The following MYO1C variants were observed in gnomAD, a reference collection of about 807,000 sequenced individuals.
MYO1C encodes the protein unconventional myosin-Ic.
A neutral mutation model predicts 150.8 loss-of-function variants in MYO1C; 104 were observed. The observed-to-expected ratio is 0.69, with a 90% CI of 0.59 to 0.81. MYO1C has a LOEUF of 0.81. Ranked by LOEUF, MYO1C falls within the 30% of genes least tolerant of loss-of-function variation. The pLI is 0.00. For missense variants in MYO1C, 1,504 were observed against 1,435.0 expected, an observed-to-expected ratio of 1.05 and a Z score of -0.78; for synonymous variants, 663 against 579.9, an observed-to-expected ratio of 1.14 and a Z score of -2.06.
chr17:1,474,514 G>C, intron 17 of MYO1C, 96 bp downstream of exon 17: 1 of 1,259,718 alleles, frequency 7.9e-7, no homozygotes, highest in Non-Finnish European at 1.1e-6. Context: ...GGGCTCACAC[G>C]CGTTCACACG....
In MYO1C at chr17:1,484,259, G is replaced by A. The variant is rs747884431; in HGVS notation, c.120C>T (p.Leu40=). ...GCACCCCCACCCGGTCACGGGCGGT[G>A]AGCGCACTCTCCATGGTCACCCGAA... is the stretch of plus-strand genomic sequence containing the variant. The part of the protein sequence containing the change: ...DGVRVTMESA[L]TARDRVGVQD... The change falls in exon 2 of 32, where the codon CTC becomes CTT. Residue 40 remains leucine (L), a synonymous_variant. Transcript: ENST00000648651. The A allele has an allele frequency of 6.2e-6, 10 of 1,612,258 alleles. No individual in the cohort carries two copies. Among genetic ancestry groups the A allele is most frequent in the Non-Finnish European group, 8.5e-6 (10 of 1,180,014 alleles).
chr17:1,479,642 C>G lies in MYO1C; in HGVS notation c.970G>C (p.Glu324Gln), dbSNP rs758308007. The G allele has an allele frequency of 6.2e-7, 1 of 1,610,836 alleles. No individual in the cohort carries two copies. Among genetic ancestry groups the G allele is most frequent in the African/African-American group, 1.4e-5 (1 of 73,866 alleles). The change falls in exon 8 of 32, where the codon GAG (glutamate) becomes CAG (glutamine). Residue 324 changes from glutamate to glutamine, a missense_variant. Transcript: ENST00000648651. This position sits in a 1 kb window ranked among gnomAD's most constrained non-coding sequence, Gnocchi z 4.2. ...LGNIHFAANEESNAQVTTENQ... is the reference protein window; with the variant it reads ...LGNIHFAANEQSNAQVTTENQ... ...TCGGTGGTGACCTGGGCATTGCTCT[C>G]CTCGTTGGCAGCAAAGTGGATGTTG...
rs1006377855 is a variant in MYO1C at position 1,478,231 on chromosome 17, G to C, written c.1296-39C>G. 1 of 1,593,660 alleles carries C rather than the reference G, an allele frequency of 6.3e-7. No homozygotes were observed. The highest frequency in any genetic ancestry group is 1.3e-5 in the African/African-American group (1 of 74,516). On this transcript the variant is annotated intron_variant, in intron 11 of 31. Coordinates refer to ENST00000648651, the MANE Select transcript of MYO1C (RefSeq NM_001080779.2). This position sits in a 1 kb window ranked among gnomAD's most constrained non-coding sequence, Gnocchi z 6.3. Reference sequence around the variant, plus strand: ...GAAGAGCCCACAGTGGCTCAGTGGGGACACAGGACCAGGAGAGGGGAAAAG... The same window carrying C: ...GAAGAGCCCACAGTGGCTCAGTGGGCACACAGGACCAGGAGAGGGGAAAAG...
In MYO1C at chr17:1,482,464, C is replaced by T. The variant is rs370795129; in HGVS notation, c.627+14G>A. ...ACTGAATGGGAATCCTCACGACACA[C>T]ACATCCATGGTACCTTGAAGTCAAA... is the stretch of plus-strand genomic sequence containing the variant. On this transcript the variant is annotated intron_variant, in intron 5 of 31. Coordinates refer to ENST00000648651, the MANE Select transcript of MYO1C (RefSeq NM_001080779.2). The T allele has an allele frequency of 1.2e-6, 2 of 1,612,094 alleles. No homozygotes were observed. Among genetic ancestry groups the T allele is most frequent in the East Asian group, 2.2e-5 (1 of 44,858 alleles).
intron 3 of MYO1C, 138 bp downstream of exon 3, chr17:1,483,472 T>TG (rs1487998248): frequency 1.5e-6 from 1 of 675,480 alleles, no homozygotes; most frequent in South Asian, 1.7e-5. Flanking sequence ...CTCTGGTCAC[T>TG]GGGGGGCAAG....
At chr17:1,480,943 GC>G in intron 5 of MYO1C, 58 bp from the exon 6 acceptor site, 1 of 1,579,004 alleles carries the variant, frequency 6.3e-7, no homozygotes, top group Non-Finnish European at 8.7e-7. Context: ...GAGCCCACCT[GC>G]CCCTCTTCTC....
intron 1 of MYO1C, among the ~76,000 whole-genome samples, chr17:1,487,476 A>C: frequency 6.7e-6 from 1 of 150,054 alleles, no homozygotes. Context: ...CACTGCAACA[A>C]CCCGGCCGGA....
chr17:1,469,227 G>T, intron 25 of MYO1C: 1 of 430,372 alleles, frequency 2.3e-6, no homozygotes, highest in Non-Finnish European at 4.4e-6. Context: ...AAATACGGTA[G>T]ACCGGGGTCA....
At chr17:1,485,403 C>T (rs953792645) in intron 1 of MYO1C, 23 of 488,692 alleles carry the variant, frequency 4.7e-5, no homozygotes, top group Non-Finnish European at 6.3e-5. Context: ...CGCCCCGCTC[C>T]AATCCCGCGC....
Position 1,492,651 on chromosome 17 carries a change from C to T in MYO1C, c.-164G>A. On this transcript the variant is annotated 5_prime_UTR_variant, in exon 1 of 32. Transcript: ENST00000648651. ...GCAGCCCCAGGGGATGTGGCTGGTC[C>T]AGCTCCTCAGGACACGGCTGGAGCC... 1 of 691,066 alleles carries T rather than the reference C, an allele frequency of 1.4e-6. No homozygotes were observed. The highest frequency in any genetic ancestry group is 2.6e-6 in the Non-Finnish European group (1 of 390,402). 42.8% of individuals were successfully genotyped at this position (691,066 alleles called of 1,614,324 possible).
Position 1,467,830 on chromosome 17 carries a change from G to A in MYO1C, c.2967+10C>T, listed in dbSNP as rs761927883. 2.7e-6 allele frequency: 4 copies of A among 1,454,840 alleles called. No individual in the cohort carries two copies. The highest frequency in any genetic ancestry group is 1.5e-5 in the African/African-American group (1 of 65,312). 90.1% of individuals were successfully genotyped at this position (1,454,840 alleles called of 1,614,324 possible). On this transcript the variant is annotated intron_variant, in intron 29 of 31. Transcript: ENST00000648651. ...TCCCCCACCACTCCTCCCCATCCAT[G>A]AAAAGGCACCTTTTGCTTATTGTCC...
intron 1 of MYO1C, chr17:1,487,003 A>T (rs2150968169): frequency 6.6e-6 from 1 of 152,424 alleles, no homozygotes; most frequent in Non-Finnish European, 1.5e-5. Context: ...GAGTCTGCAA[A>T]AGGCTGGGCT....
Position 1,470,290 on chromosome 17 carries a change from T to G in MYO1C, c.2411A>C (p.Glu804Ala). ...CACATGGTCCAGGAAGAAGGCGTTCTCGGGGCAGCGGGGGGCGTGGCGCAG... is the reference window on the plus strand; with the variant it reads ...CACATGGTCCAGGAAGAAGGCGTTCGCGGGGCAGCGGGGGGCGTGGCGCAG... ...FVLRHAPRCP[E>A]NAFFLDHVRT... The change falls in exon 24 of 32, where the codon GAG becomes GCG. Residue 804 changes from glutamate to alanine, a missense_variant. Physicochemically the swap from Glu to Ala is moderately radical, Grantham distance 107. Coordinates refer to ENST00000648651, the MANE Select transcript of MYO1C (RefSeq NM_001080779.2). The G allele has an allele frequency of 6.6e-7, 1 of 1,510,000 alleles. No individual in the cohort carries two copies. Among genetic ancestry groups the G allele is most frequent in the Non-Finnish European group, 8.9e-7 (1 of 1,124,176 alleles). 93.5% of individuals were successfully genotyped at this position (1,510,000 alleles called of 1,614,324 possible).
rs150488154 is a variant in MYO1C, at chr17:1,478,703, C to T, written c.1125G>A (p.Ala375=). 1,510 of 1,614,170 alleles carry T rather than the reference C, an allele frequency of 9.4e-4. 11 individuals are homozygous for T. In the African/African-American group the frequency reaches 0.016, roughly 17 times the overall value. The change falls in exon 10 of 32, where the codon GCG becomes GCA. Residue 375 remains alanine (A), a synonymous_variant. Coordinates refer to ENST00000648651, the MANE Select transcript of MYO1C (RefSeq NM_001080779.2). This position sits in a 1 kb window ranked among gnomAD's most constrained non-coding sequence, Gnocchi z 6.3. ...CCTTGGCGAGGGCGTCTCGTGCGTACGCGGCCTGCTCCAGGTTCAGCGGGC... is the reference window on the plus strand; with the variant it reads ...CCTTGGCGAGGGCGTCTCGTGCGTATGCGGCCTGCTCCAGGTTCAGCGGGC... ...LLSPLNLEQA[A]YARDALAKAV...
intron 30 of MYO1C, 64 bp from the exon 31 acceptor site, chr17:1,467,405 C>T (rs574669100): frequency 1.3e-5 from 20 of 1,594,800 alleles, no homozygotes; most frequent in Non-Finnish European, 1.5e-5. Context: ...AAGGTGGACC[C>T]CCACCCTGTC....
rs775107502 is a variant in MYO1C at position 1,478,125 on chromosome 17, T to G, written c.1363A>C (p.Lys455Gln). The G allele has an allele frequency of 2.5e-5, 40 of 1,613,998 alleles. No homozygotes were observed. The Middle Eastern group carries it at 9.9e-4, about 40-fold the overall frequency. ...LQQLFIELTL[K>Q]SEQEEYEAEG... ...GCCTCGTACTCCTCCTGCTCCGACT[T>G]GAGCGTGAGCTCGATGAAGAGCTGC... The change falls in exon 12 of 32, where the codon AAG (lysine) becomes CAG (glutamine). Residue 455 changes from lysine to glutamine, a missense_variant. By Grantham distance (53) the Lys-to-Gln change is moderately conservative. Coordinates refer to ENST00000648651, the MANE Select transcript of MYO1C (RefSeq NM_001080779.2). This position sits in a 1 kb window ranked among gnomAD's most constrained non-coding sequence, Gnocchi z 6.3.
chr17:1,488,130 C>T (rs1034621314), intron 1 of MYO1C, among the ~76,000 whole-genome samples: 11 of 152,112 alleles, frequency 7.2e-5, no homozygotes, highest in African/African-American at 2.7e-4. Flanking sequence ...GAGGACGGGG[C>T]GGAGCTTCGC....
intron 1 of MYO1C, among the ~76,000 whole-genome samples, chr17:1,488,498 A>G (rs904523516): frequency 2.0e-4 from 31 of 152,200 alleles, no homozygotes; most frequent in Admixed American, 5.9e-4. Context: ...TACTCCTTTC[A>G]GTGACGCCAG....
chr17:1,488,460 C>T (rs2074693481), intron 1 of MYO1C, among the ~76,000 whole-genome samples: 1 of 152,244 alleles, frequency 6.6e-6, no homozygotes, highest in East Asian at 1.9e-4. Flanking sequence ...CGCCAGGCGC[C>T]TCCTGCGTTC....
Sources: allele counts gnomAD v4.1 joint callset (sites outside exome capture counted in the v4.1 genomes callset), GRCh38; gene constraint gnomAD v4.1.1; non-coding constraint Gnocchi (gnomAD v3.1); transcripts MANE v1.5; gene names NCBI Gene and HGNC (gene_info 2026-07-23, HGNC 2026-07-21).